TTF2: variants seen among roughly 807,000 people sequenced by gnomAD.
TTF2 encodes transcription termination factor 2, also known as RNA polymerase II termination factor.
A neutral mutation model predicts 142.4 loss-of-function variants in TTF2; 108 were observed. The observed-to-expected ratio is 0.76, with a 90% confidence interval of 0.65 to 0.89. The LOEUF (loss-of-function observed/expected upper bound fraction) is 0.89. Ranked by LOEUF, TTF2 falls within the 40% of genes least tolerant of loss-of-function variation. The pLI is 0.00. For synonymous variants in TTF2, 483 were observed against 506.2 expected (o/e 0.95, Z 0.61); for missense variants, 1,327 against 1,379.8 (o/e 0.96, Z 0.61).
rs1176048519 is a variant in TTF2, at chr1:117,076,158, T to C, written c.1276-22T>C. 6.2e-7 allele frequency: 1 copy of C among 1,602,350 alleles called. No individual in the cohort carries two copies. Among genetic ancestry groups the C allele is most frequent in the Non-Finnish European group, 8.5e-7 (1 of 1,169,874 alleles). ...CTAACAGTGTGAGAGGAGAGATCCA[T>C]TTGATGGAATCTGTTTTTCAGAGCA... On this transcript the variant is annotated intron_variant, in intron 5 of 22. Transcript: ENST00000369466. This position sits in a 1 kb window ranked among gnomAD's most constrained non-coding sequence, Gnocchi z 4.6.
Position 117,086,657 on chromosome 1 carries a change from G to A in TTF2, c.2160+135G>A. The A allele has an allele frequency of 1.5e-6, 1 of 646,220 alleles. No homozygotes were observed. Among genetic ancestry groups the A allele is most frequent in the South Asian group, 1.9e-5 (1 of 53,798 alleles). 40.0% of individuals were successfully genotyped at this position (646,220 alleles called of 1,614,324 possible). On this transcript the variant is annotated intron_variant, in intron 12 of 22. Transcript: ENST00000369466. This position sits in a 1 kb window ranked among gnomAD's most constrained non-coding sequence, Gnocchi z 4.2. The stretch of plus-strand genomic sequence containing the variant: ...CTGTAAATGATCCGCATGTGGAAAG[G>A]AATTGTTCTTTCCTCTATCCCATCA...
In TTF2 at chr1:117,076,966, G is replaced by T. The variant is rs951577997; in HGVS notation, c.1573+143G>T. ...AAAAAAGGTGAGTACAGTACAGTAA[G>T]ATATTTTGAGAGAGAAAGAGACAGA... On this transcript the variant is annotated intron_variant, in intron 7 of 22. Transcript: ENST00000369466. This position sits in a 1 kb window ranked among gnomAD's most constrained non-coding sequence, Gnocchi z 4.6. The T allele has an allele frequency of 1.3e-5, 7 of 530,460 alleles. No individual in the cohort carries two copies. The highest frequency in any genetic ancestry group is 2.1e-5 in the Non-Finnish European group (7 of 329,538). The allele number at this position is 530,460 out of a possible 1,614,324, so 32.9% of individuals were successfully genotyped here.
At chr1:117,078,138 C>G in intron 8 of TTF2, 95 bp downstream of exon 8, 1 of 1,491,962 alleles carries the variant, frequency 6.7e-7, no homozygotes, top group South Asian at 1.3e-5. Context: ...GATACCTTTC[C>G]TACAGACAGA....
Position 117,084,152 on chromosome 1 carries a change from G to T in TTF2, c.2038G>T (p.Asp680Tyr), listed in dbSNP as rs764110430. 5.0e-6 allele frequency: 8 copies of T among 1,614,110 alleles called. No individual in the cohort carries two copies. The Admixed American group carries it at 6.7e-5, about 13-fold the overall frequency. Residue 680 changes from aspartate to tyrosine, a missense_variant, in exon 11 of 23, where the codon GAT becomes TAT. By Grantham distance (160) the Asp-to-Tyr change is radical. Coordinates refer to ENST00000369466, the MANE Select transcript of TTF2 (RefSeq NM_003594.4). ...RVYLYHGPNRDSRARVLSTYD... is the reference protein window; with the variant it reads ...RVYLYHGPNRYSRARVLSTYD... ...CTATCTCTACCATGGGCCAAACCGG[G>T]ATTCACGTGCCAGAGTGTAAGTGCA...
chr1:117,076,135 A>C lies in TTF2; in HGVS notation c.1276-45A>C. 6.4e-7 allele frequency: 1 copy of C among 1,552,652 alleles called. No individual in the cohort carries two copies. The highest frequency in any genetic ancestry group is 8.9e-7 in the Non-Finnish European group (1 of 1,128,664). On this transcript the variant is annotated intron_variant, in intron 5 of 22. Coordinates refer to ENST00000369466, the MANE Select transcript of TTF2 (RefSeq NM_003594.4). The surrounding 1 kb of genome is among the most constrained non-coding windows in gnomAD (Gnocchi z 4.6). ...TATTTTAATCTGAAACTATTCATCT[A>C]ACAGTGTGAGAGGAGAGATCCATTT... is the stretch of plus-strand genomic sequence containing the variant.
intron 12 of TTF2, among the ~76,000 whole-genome samples, chr1:117,088,356 T>A (rs1447034051): frequency 6.6e-6 from 1 of 152,058 alleles, no homozygotes; most frequent in Non-Finnish European, 1.5e-5. Context: ...GCTAACACGA[T>A]GAAACCCCGA....
chr1:117,075,750 GA>G lies in TTF2; in HGVS notation c.1168del (p.Ser390ValfsTer16). Reference sequence around the variant, plus strand: ...AAGGAAAACCTCCAATTCCCTGATCGAAGTGTGCAAAGAAAGGTGTCTCCTG... The same window carrying G: ...AAGGAAAACCTCCAATTCCCTGATCGAGTGTGCAAAGAAAGGTGTCTCCTG... Reference protein sequence around the residue: ...ETKENLQFPDRSVQRKVSPAS... With the variant: ...ETKENLQFPDXSVQRKVSPAS... On this transcript the variant is annotated frameshift_variant, in exon 5 of 23. Coordinates refer to ENST00000369466, the MANE Select transcript of TTF2 (RefSeq NM_003594.4). LOFTEE classifies it high-confidence loss of function. This position sits in a 1 kb window ranked among gnomAD's most constrained non-coding sequence, Gnocchi z 4.5. 6.2e-7 allele frequency: 1 copy of G among 1,614,182 alleles called. No individual in the cohort carries two copies. The highest frequency in any genetic ancestry group is 1.6e-4 in the Middle Eastern group (1 of 6,062).
Position 117,106,054 on chromosome 1 carries a change from G to A in TTF2, c.*4530G>A, listed in dbSNP as rs1297373024. 1 of 152,120 alleles carries A rather than the reference G, an allele frequency of 6.6e-6. No homozygotes were observed. The highest frequency in any genetic ancestry group is 1.5e-5 in the Non-Finnish European group (1 of 68,026). 9.4% of individuals were successfully genotyped at this position (152,120 alleles called of 1,614,324 possible). On this transcript the variant is annotated 3_prime_UTR_variant, in exon 23 of 23. Coordinates refer to ENST00000369466, the MANE Select transcript of TTF2 (RefSeq NM_003594.4). ...TTGAAAGAATTAGGTTTCCAAAGTG[G>A]GATATTGTGCTGCTGTTTGTGATAT...
Position 117,079,740 on chromosome 1 carries a change from C to T in TTF2, c.1783+91C>T. ...TTGTTTCATTTATTCCTCTCAAGAACTCTATGAGGCAGGTACTATTATTCC... is the reference window on the plus strand; with the variant it reads ...TTGTTTCATTTATTCCTCTCAAGAATTCTATGAGGCAGGTACTATTATTCC... On this transcript the variant is annotated intron_variant, in intron 9 of 22. Transcript: ENST00000369466. The surrounding 1 kb of genome is among the most constrained non-coding windows in gnomAD (Gnocchi z 4.2). 2 of 1,217,362 alleles carry T rather than the reference C, an allele frequency of 1.6e-6. No individual in the cohort carries two copies. The highest frequency in any genetic ancestry group is 2.4e-6 in the Non-Finnish European group (2 of 827,302). The allele number at this position is 1,217,362 out of a possible 1,614,324, so 75.4% of individuals were successfully genotyped here.
In TTF2 at chr1:117,100,839, T is replaced by G. The variant is rs1393623713; in HGVS notation, c.3345-541T>G. Among the ~76,000 whole-genome samples, 1 of 152,232 alleles carries G rather than the reference T, an allele frequency of 6.6e-6. No individual in the cohort carries two copies. The highest frequency in any genetic ancestry group is 1.5e-5 in the Non-Finnish European group (1 of 68,038). Reference sequence around the variant, plus strand: ...TCATATTATTGTTTATTTTCATGTTTGTCTCGCTTTTGTTCTGCTTTGGAG... The same window carrying G: ...TCATATTATTGTTTATTTTCATGTTGGTCTCGCTTTTGTTCTGCTTTGGAG... On this transcript the variant is annotated intron_variant, in intron 22 of 22. Transcript: ENST00000369466. This position sits in a 1 kb window ranked among gnomAD's most constrained non-coding sequence, Gnocchi z 4.6.
chr1:117,060,478 G>A lies in TTF2; in HGVS notation c.52G>A (p.Gly18Ser). Reference protein sequence around the residue: ...EHGTFCFLKTGVRDGPNKGKS... With the variant: ...EHGTFCFLKTSVRDGPNKGKS... ...AGGGACTTTCTGCTTTCTTAAGACC[G>A]GCGTCCGCGATGGCCCGAATAAAGG... The change falls in exon 2 of 23, where the codon GGC (glycine) becomes AGC (serine). Residue 18 changes from glycine to serine, a missense_variant. Gly to Ser is a moderately conservative substitution (Grantham distance 56). Transcript: ENST00000369466. 1 of 1,613,900 alleles carries A rather than the reference G, an allele frequency of 6.2e-7. No homozygotes were observed. Among genetic ancestry groups the A allele is most frequent in the Non-Finnish European group, 8.5e-7 (1 of 1,179,828 alleles).
chr1:117,099,038 TAC>T lies in TTF2; in HGVS notation c.3344+132_3344+133del. On this transcript the variant is annotated intron_variant, in intron 22 of 22. Coordinates refer to ENST00000369466, the MANE Select transcript of TTF2 (RefSeq NM_003594.4). The surrounding 1 kb of genome is among the most constrained non-coding windows in gnomAD (Gnocchi z 4.3). ...CTTTACTGATGATGCCCCTGAGGCA[TAC>T]CTTCAGGCAAACCACAGTCAGGAGA... 2 of 794,590 alleles carry T rather than the reference TAC, an allele frequency of 2.5e-6. No individual in the cohort carries two copies. The highest frequency in any genetic ancestry group is 3.7e-6 in the Non-Finnish European group (2 of 535,956). The allele number at this position is 794,590 out of a possible 1,614,324, so 49.2% of individuals were successfully genotyped here. A position where few individuals can be genotyped will look rare whatever the true frequency, so the allele number is the denominator to read the frequency against.
chr1:117,094,535 G>C (rs1008038429), intron 18 of TTF2: 3 of 462,080 alleles, frequency 6.5e-6, no homozygotes, highest in Admixed American at 2.4e-5. Flanking sequence ...CAGGGAGCCT[G>C]TTCGGAAGCT....
intron 3 of TTF2, among the ~76,000 whole-genome samples, chr1:117,069,297 G>A (rs1001101918): frequency 1.3e-5 from 2 of 152,172 alleles, no homozygotes; most frequent in Non-Finnish European, 2.9e-5. Context: ...GCACATTAGA[G>A]CGCTAAATTG....
rs1570879336 is a variant in TTF2 at position 117,095,214 on chromosome 1, G to A, written c.2977-95G>A. The A allele has an allele frequency of 1.5e-5, 17 of 1,151,734 alleles. No homozygotes were observed. In the East Asian group the frequency reaches 4.0e-4, roughly 27 times the overall value. The allele number at this position is 1,151,734 out of a possible 1,614,324, so 71.3% of individuals were successfully genotyped here. A position where few individuals can be genotyped will look rare whatever the true frequency, so the allele number is the denominator to read the frequency against. On this transcript the variant is annotated intron_variant, in intron 18 of 22. Coordinates refer to ENST00000369466, the MANE Select transcript of TTF2 (RefSeq NM_003594.4). ...TAAAGACAGGTGAGGCCAGAGCACAGACGCCATGTAGGAGGCTGCTTCGCA... is the reference window on the plus strand; with the variant it reads ...TAAAGACAGGTGAGGCCAGAGCACAAACGCCATGTAGGAGGCTGCTTCGCA...
chr1:117,098,882 C>A lies in TTF2; in HGVS notation c.3319C>A (p.Gln1107Lys). 1 of 1,612,776 alleles carries A rather than the reference C, an allele frequency of 6.2e-7. No homozygotes were observed. Among genetic ancestry groups the A allele is most frequent in the Non-Finnish European group, 8.5e-7 (1 of 1,179,620 alleles). The change falls in exon 22 of 23, where the codon CAG (glutamine) becomes AAG (lysine). Residue 1107 changes from glutamine (Q) to lysine (K), a missense_variant. Gln to Lys is a moderately conservative substitution (Grantham distance 53). Coordinates refer to ENST00000369466, the MANE Select transcript of TTF2 (RefSeq NM_003594.4). Reference sequence around the variant, plus strand: ...TTGTGACCGAATTTACCGAGTAGGGCAGCAGAAAGATGTTGTCATACACAG... The same window carrying A: ...TTGTGACCGAATTTACCGAGTAGGGAAGCAGAAAGATGTTGTCATACACAG... The part of the protein sequence containing the change: ...QACDRIYRVG[Q>K]QKDVVIHRFV...
rs947479008 is a variant in TTF2 at position 117,079,712 on chromosome 1, G to A, written c.1783+63G>A. 8 of 1,485,068 alleles carry A rather than the reference G, an allele frequency of 5.4e-6. No homozygotes were observed. Among genetic ancestry groups the A allele is most frequent in the Non-Finnish European group, 6.6e-6 (7 of 1,062,678 alleles). The allele number at this position is 1,485,068 out of a possible 1,614,324, so 92.0% of individuals were successfully genotyped here. ...GCTTAGGCATTGTGCTAAACACGTA[G>A]TGTTGTTTCATTTATTCCTCTCAAG... On this transcript the variant is annotated intron_variant, in intron 9 of 22. Transcript: ENST00000369466. This position sits in a 1 kb window ranked among gnomAD's most constrained non-coding sequence, Gnocchi z 4.2.
chr1:117,060,502 G>A lies in TTF2; in HGVS notation c.76G>A (p.Gly26Arg). 1.2e-6 allele frequency: 2 copies of A among 1,614,120 alleles called. No individual in the cohort carries two copies. Among genetic ancestry groups the A allele is most frequent in the East Asian group, 2.2e-5 (1 of 44,886 alleles). Residue 26 changes from glycine to arginine, a missense_variant, in exon 2 of 23, where the codon GGA becomes AGA. Transcript: ENST00000369466. Reference protein sequence around the residue: ...KTGVRDGPNKGKSFYVCRADT... With the variant: ...KTGVRDGPNKRKSFYVCRADT... ...CGGCGTCCGCGATGGCCCGAATAAA[G>A]GAAAGAGCTTCTACGTGTGCCGGGC...
chr1:117,083,317 A>G (rs1191950428), intron 10 of TTF2, among the ~76,000 whole-genome samples: 2 of 152,002 alleles, frequency 1.3e-5, no homozygotes, highest in African/African-American at 2.4e-5. Flanking sequence ...GCTGGGTCCT[A>G]TATCCCTTTG....
Sources: gnomAD v4.1 joint callset for allele counts (sites outside exome capture counted in the v4.1 genomes callset) on GRCh38, gnomAD v4.1.1 for gene constraint, Gnocchi (gnomAD v3.1) non-coding constraint, MANE v1.5 for transcripts, NCBI Gene and HGNC (gene_info 2026-07-23, HGNC 2026-07-21) for gene names.